SDK1: variants seen among roughly 807,000 people sequenced by gnomAD.
SDK1 encodes sidekick cell adhesion molecule 1.
A neutral mutation model predicts 245.5 loss-of-function variants in SDK1; 157 were observed. That is an observed-to-expected ratio of 0.64 (90% CI 0.56 to 0.73). The LOEUF (loss-of-function observed/expected upper bound fraction) is 0.73. Ranked by LOEUF, SDK1 falls within the 30% of genes least tolerant of loss-of-function variation. The probability of loss-of-function intolerance (pLI) is 0.00; values close to 1 mark genes in which losing one functional copy is unlikely to be tolerated. For missense variants in SDK1, 3,583 were observed against 3,002.3 expected, an observed-to-expected ratio of 1.19 and a Z score of -4.52; for synonymous variants, 1,647 against 1,278.5, an observed-to-expected ratio of 1.29 and a Z score of -6.15.
Position 3,374,746 on chromosome 7 carries a change from A to C in SDK1, c.298+72862A>C, listed in dbSNP as rs559188376. On this transcript the variant is annotated intron_variant, in intron 1 of 44. Transcript: ENST00000404826. ...CACCCCCACACCCCCGGTCAACTCT[A>C]ATTCACCTTTCAGGTCTCAGATTCA... Among the ~76,000 whole-genome samples, 12 of 151,998 alleles carry C rather than the reference A, an allele frequency of 7.9e-5. No homozygotes were observed. In the East Asian group the frequency reaches 2.3e-3, roughly 29 times the overall value.
intron 4 of SDK1, among the ~76,000 whole-genome samples, chr7:3,789,121 C>T (rs1353922380): frequency 6.6e-6 from 1 of 151,950 alleles, no homozygotes; most frequent in African/African-American, 2.4e-5. Flanking sequence ...TAGGGAAGGC[C>T]ACTAACCGGG....
intron 44 of SDK1, among the ~76,000 whole-genome samples, chr7:4,261,040 C>A (rs751678702): frequency 6.6e-6 from 1 of 152,132 alleles, no homozygotes; most frequent in Admixed American, 6.5e-5. Context: ...CTGTGACTCG[C>A]TGTTAGTTTC....
intron 20 of SDK1, among the ~76,000 whole-genome samples, chr7:4,072,003 A>C (rs1780285543): frequency 6.6e-6 from 1 of 152,220 alleles, no homozygotes; most frequent in African/African-American, 2.4e-5. Flanking sequence ...AAAAAAATCC[A>C]TGGGCATAAT....
intron 13 of SDK1, among the ~76,000 whole-genome samples, chr7:3,975,358 G>A (rs184071309): frequency 9.2e-5 from 14 of 152,300 alleles, no homozygotes; most frequent in Admixed American, 3.9e-4. Flanking sequence ...CAGCGCATCC[G>A]TCCCTGGTCA....
At chr7:3,606,714 A>G (rs1231342509) in intron 1 of SDK1, among the ~76,000 whole-genome samples, 1 of 152,064 alleles carries the variant, frequency 6.6e-6, no homozygotes, top group Non-Finnish European at 1.5e-5. Flanking sequence ...TTTTAAAACA[A>G]TCTTCCTTGT....
chr7:3,575,645 G>T (rs958051080), intron 1 of SDK1, among the ~76,000 whole-genome samples: 3 of 151,820 alleles, frequency 2.0e-5, no homozygotes, highest in Non-Finnish European at 4.4e-5. Flanking sequence ...AACTTCAAAG[G>T]GACTGTCTTC....
chr7:3,401,218 C>G (rs910713845), intron 1 of SDK1, among the ~76,000 whole-genome samples: 13 of 152,134 alleles, frequency 8.5e-5, no homozygotes, highest in Non-Finnish European at 1.5e-4. Flanking sequence ...AAGAGGTCTT[C>G]TAGAATAATC....
chr7:3,578,487 C>G (rs980741877), intron 1 of SDK1, among the ~76,000 whole-genome samples: 4 of 152,052 alleles, frequency 2.6e-5, no homozygotes, highest in South Asian at 2.1e-4. Flanking sequence ...GAAAACCAGT[C>G]TGACCTCAAA....
At chr7:4,082,858 C>T (rs763793245) in intron 22 of SDK1, among the ~76,000 whole-genome samples, 7 of 152,038 alleles carry the variant, frequency 4.6e-5, no homozygotes, top group East Asian at 1.9e-4. Flanking sequence ...TGAGTTCAAG[C>T]GATCTGTCAG....
Position 3,951,927 on chromosome 7 carries a change from C to T in SDK1, c.1150+7C>T, listed in dbSNP as rs770729966. 2.7e-5 allele frequency: 44 copies of T among 1,609,672 alleles called. No individual in the cohort carries two copies. In the East Asian group the frequency reaches 3.6e-4, roughly 13 times the overall value. The stretch of plus-strand genomic sequence containing the variant: ...GCCTTTCTTTTCATCATAGGTAATG[C>T]GGGAGCCTCTAAGTGGTGTTGCCAG... On this transcript the variant is annotated splice_region_variant and intron_variant, in intron 7 of 44. Coordinates refer to ENST00000404826, the MANE Select transcript of SDK1 (RefSeq NM_152744.4).
At chr7:3,862,423 G>T (rs1780716318) in intron 5 of SDK1, among the ~76,000 whole-genome samples, 1 of 152,216 alleles carries the variant, frequency 6.6e-6, no homozygotes. Flanking sequence ...GGAATAGAAT[G>T]ATTTTTGACA....
chr7:3,553,573 C>T (rs1282433930), intron 1 of SDK1, among the ~76,000 whole-genome samples: 1 of 152,096 alleles, frequency 6.6e-6, no homozygotes, highest in Non-Finnish European at 1.5e-5. Context: ...CGAGATAGTC[C>T]AGGGAGGCTG....
intron 1 of SDK1, among the ~76,000 whole-genome samples, chr7:3,593,160 C>T (rs1355494903): frequency 1.3e-5 from 2 of 152,206 alleles, no homozygotes; most frequent in Non-Finnish European, 2.9e-5. Context: ...GAGTCTTACT[C>T]ATCATCAAGT....
At chr7:3,880,754 C>A (rs958184311) in intron 5 of SDK1, among the ~76,000 whole-genome samples, 1 of 152,022 alleles carries the variant, frequency 6.6e-6, no homozygotes, top group African/African-American at 2.4e-5. Flanking sequence ...ACAAACCAGA[C>A]GGGCTGAGAG....
At chr7:4,250,009 G>A (rs1017427951) in intron 44 of SDK1, among the ~76,000 whole-genome samples, 6 of 152,088 alleles carry the variant, frequency 3.9e-5, no homozygotes, top group African/African-American at 7.2e-5. Flanking sequence ...ACCCTGTACC[G>A]ATTAGCAGTC....
chr7:3,990,526 G>T (rs992791415), intron 14 of SDK1, among the ~76,000 whole-genome samples: 1 of 152,228 alleles, frequency 6.6e-6, no homozygotes, highest in Non-Finnish European at 1.5e-5. Context: ...CATGCTGCCT[G>T]TACGTAAAAC....
At chr7:4,238,365 C>T (rs562880857) in intron 42 of SDK1, among the ~76,000 whole-genome samples, 1 of 151,968 alleles carries the variant, frequency 6.6e-6, no homozygotes, top group African/African-American at 2.4e-5. Flanking sequence ...CAGACGTGAG[C>T]CACGGTGCCC....
At chr7:4,228,729 G>A (rs1005024245) in intron 40 of SDK1, among the ~76,000 whole-genome samples, 9 of 152,074 alleles carry the variant, frequency 5.9e-5, no homozygotes, top group Admixed American at 5.2e-4. Flanking sequence ...TAGTAGAGAC[G>A]GGGTTTCACC....
At position 4,185,526 on chromosome 7, in the gene SDK1, G is replaced by C. The variant is rs891795809; in HGVS notation, c.5098+6940G>C. Reference sequence around the variant, plus strand: ...CATCCATACCAAGCTGTTTCCGCCTGGGATGACTGCTCCCTACTCCCGTCC... The same window carrying C: ...CATCCATACCAAGCTGTTTCCGCCTCGGATGACTGCTCCCTACTCCCGTCC... On this transcript the variant is annotated intron_variant, in intron 35 of 44. Transcript: ENST00000404826. 5.3e-5 allele frequency among the ~76,000 whole-genome samples: 8 copies of C among 152,198 alleles called. No individual in the cohort carries two copies. In the East Asian group the frequency reaches 1.6e-3, roughly 30 times the overall value.
Sources: gnomAD v4.1 joint callset for allele counts (sites outside exome capture counted in the v4.1 genomes callset) on GRCh38, gnomAD v4.1.1 for gene constraint, MANE v1.5 for transcripts, NCBI Gene and HGNC (gene_info 2026-07-23, HGNC 2026-07-21) for gene names.